The following SCRIB variants were observed in gnomAD, a reference collection of about 807,000 sequenced individuals.
SCRIB encodes scribble planar cell polarity protein.
SCRIB carries 72 observed loss-of-function variants against 170.0 expected under a neutral mutation model. That is an observed-to-expected ratio of 0.42 (90% CI 0.35 to 0.52). SCRIB has a LOEUF of 0.52. Ranked by LOEUF, SCRIB falls within the 20% of genes least tolerant of loss-of-function variation. The probability of loss-of-function intolerance (pLI) is 0.02; values close to 1 mark genes in which losing one functional copy is unlikely to be tolerated. For missense variants in SCRIB, 2,475 were observed against 2,338.5 expected (o/e 1.06, Z -1.20); for synonymous variants, 1,298 against 1,044.3 (o/e 1.24, Z -4.68).
At chr8:143,807,259 G>A (rs1349969967) in intron 16 of SCRIB, among the ~76,000 whole-genome samples, 4 of 152,286 alleles carry the variant, frequency 2.6e-5, no homozygotes, top group African/African-American at 9.6e-5. Context: ...AGGTGATGGT[G>A]GCCCGAGGCC....
chr8:143,800,620 A>C (rs1343280640), intron 24 of SCRIB, among the ~76,000 whole-genome samples: 1 of 152,268 alleles, frequency 6.6e-6, no homozygotes, highest in East Asian at 1.9e-4. Context: ...CACGCCTGGA[A>C]GCCTAGCACT....
rs1164029651 is a variant in SCRIB, at chr8:143,814,132, G to T, written c.160-14C>A. On this transcript the variant is annotated splice_polypyrimidine_tract_variant and intron_variant, in intron 1 of 36. Coordinates refer to ENST00000356994, the MANE Select transcript of SCRIB (RefSeq NM_182706.5). ...CCGGAAAAAAGGCTGTGGGCAGGGA[G>T]GACACGGACTCTGTGGCAGAGACCA... 2 of 1,547,938 alleles carry T rather than the reference G, an allele frequency of 1.3e-6. No individual in the cohort carries two copies. Among genetic ancestry groups the T allele is most frequent in the Admixed American group, 3.9e-5 (2 of 51,282 alleles).
Position 143,790,994 on chromosome 8 carries a change from T to A in SCRIB, c.*169A>T. 1 of 580,788 alleles carries A rather than the reference T, an allele frequency of 1.7e-6. No homozygotes were observed. 36.0% of individuals were successfully genotyped at this position (580,788 alleles called of 1,614,324 possible). On this transcript the variant is annotated 3_prime_UTR_variant, in exon 37 of 37. Transcript: ENST00000356994. The stretch of plus-strand genomic sequence containing the variant: ...CTTTGGTTGTACAAACATCACTAGT[T>A]ACAGTCTCGCCGAGGTCTCGGCTGG...
At chr8:143,800,300 A>G (rs997655136) in intron 24 of SCRIB, among the ~76,000 whole-genome samples, 1 of 152,148 alleles carries the variant, frequency 6.6e-6, no homozygotes, top group Admixed American at 6.5e-5. Context: ...TACAGGTTAT[A>G]AATAGAAACA....
At chr8:143,796,827 A>C (rs1814966494) in intron 24 of SCRIB, among the ~76,000 whole-genome samples, 1 of 152,190 alleles carries the variant, frequency 6.6e-6, no homozygotes, top group Admixed American at 6.5e-5. Flanking sequence ...AGTGGGAAGC[A>C]AGGTCCCAGG....
At position 143,792,269 on chromosome 8, in the gene SCRIB, C is replaced by T. The variant is rs1479572942; in HGVS notation, c.4465G>A (p.Glu1489Lys). Residue 1489 changes from glutamate (E) to lysine (K), a missense_variant, in exon 32 of 37, where the codon GAG (glutamate) becomes AAG (lysine). Glu to Lys is a moderately conservative substitution (Grantham distance 56, BLOSUM62 1). Around this residue, in one of 3 missense-constraint regions of SCRIB, gnomAD observed 1,966 missense variants for 1,742.9 expected, o/e 1.13. Coordinates refer to ENST00000356994, the MANE Select transcript of SCRIB (RefSeq NM_182706.5). Reference sequence around the variant, plus strand: ...TTCTCGGCCTCCAGGGCCCGGAGCTCGGCAGGGGACAGGGCACGCTCGGGT... The same window carrying T: ...TTCTCGGCCTCCAGGGCCCGGAGCTTGGCAGGGGACAGGGCACGCTCGGGT... ...PAPERALSPA[E>K]LRALEAEKRA... 5.1e-6 allele frequency: 8 copies of T among 1,570,686 alleles called. No homozygotes were observed. The highest frequency in any genetic ancestry group is 4.0e-5 in the African/African-American group (3 of 74,168).
intron 24 of SCRIB, among the ~76,000 whole-genome samples, chr8:143,798,576 A>C (rs1815043738): frequency 6.6e-6 from 1 of 152,234 alleles, no homozygotes; most frequent in African/African-American, 2.4e-5. Context: ...CTGCGACTAC[A>C]GGCCATGTGC....
In SCRIB at chr8:143,795,075, G is replaced by T; in HGVS notation, c.3809C>A (p.Ala1270Asp). The stretch of plus-strand genomic sequence containing the variant: ...GCCAGCGCTGGGCACGGCGGCCAGG[G>T]CGCGGTAGTCCAGCTTCAGGGGCTG... ...GLQPLKLDYR[A>D]LAAVPSAGSV... Residue 1270 changes from alanine (A) to aspartate (D), a missense_variant, in exon 27 of 37, where the codon GCC becomes GAC. By Grantham distance (126) the Ala-to-Asp change is moderately radical. This residue lies in a region of SCRIB where 1,966 missense variants were observed against 1,742.9 expected (regional missense o/e 1.13). Transcript: ENST00000356994. 8 of 1,611,314 alleles carry T rather than the reference G, an allele frequency of 5.0e-6. No homozygotes were observed. Among genetic ancestry groups the T allele is most frequent in the Non-Finnish European group, 6.8e-6 (8 of 1,179,342 alleles).
In SCRIB at chr8:143,810,945, T is replaced by C; in HGVS notation, c.1234A>G (p.Thr412Ala). The change falls in exon 11 of 37, where the codon ACC becomes GCC. Residue 412 changes from threonine to alanine, a missense_variant. Around this residue, in one of 3 missense-constraint regions of SCRIB, gnomAD observed 487 missense variants for 558.1 expected, o/e 0.87. Coordinates refer to ENST00000356994, the MANE Select transcript of SCRIB (RefSeq NM_182706.5). ...DDARTGEKVLTCYLLPQQPPP... is the reference protein window; with the variant it reads ...DDARTGEKVLACYLLPQQPPP... ...GGCTGCTGGGGCAGCAAGTAGCAGGTGAGCACCTTCTCGCCGGTCCGGGCA... is the reference window on the plus strand; with the variant it reads ...GGCTGCTGGGGCAGCAAGTAGCAGGCGAGCACCTTCTCGCCGGTCCGGGCA... The C allele has an allele frequency of 6.2e-7, 1 of 1,611,944 alleles. No homozygotes were observed. Among genetic ancestry groups the C allele is most frequent in the Non-Finnish European group, 8.5e-7 (1 of 1,179,828 alleles).
At chr8:143,809,775 C>A in intron 13 of SCRIB, 57 bp from the exon 14 acceptor site, 1 of 1,573,534 alleles carries the variant, frequency 6.4e-7, no homozygotes, top group Non-Finnish European at 8.6e-7. Context: ...AGGCTGGCCA[C>A]CTGGGATGCC....
Position 143,803,660 on chromosome 8 carries a change from A to T in SCRIB, c.3401T>A (p.Ile1134Asn). ...GGGGGGGCTCACCTTGGAGATGAAG[A>T]TGCCCTCGTCTGTGGGGTCGCGGGG... ...GNPRDPTDEG[I>N]FISKVSPTGA... The change falls in exon 23 of 37, where the codon ATC (isoleucine) becomes AAC (asparagine). Residue 1134 changes from isoleucine (I) to asparagine (N), a missense_variant. By Grantham distance (149) the Ile-to-Asn change is moderately radical. This residue lies in a region of SCRIB where 1,966 missense variants were observed against 1,742.9 expected (regional missense o/e 1.13). Transcript: ENST00000356994. 6.4e-7 allele frequency: 1 copy of T among 1,559,576 alleles called. No individual in the cohort carries two copies. The highest frequency in any genetic ancestry group is 8.6e-7 in the Non-Finnish European group (1 of 1,158,150).
intron 9 of SCRIB, 117 bp from the exon 10 acceptor site, chr8:143,811,462 C>T: frequency 1.1e-6 from 1 of 880,134 alleles, no homozygotes; most frequent in Non-Finnish European, 1.8e-6. Flanking sequence ...GGGTCCCTCA[C>T]AGCCCCTGGA....
Position 143,791,500 on chromosome 8 carries a change from G to A in SCRIB, c.4771-60C>T. 3.1e-6 allele frequency: 5 copies of A among 1,594,780 alleles called. No individual in the cohort carries two copies. The South Asian group carries it at 5.6e-5, about 18-fold the overall frequency. On this transcript the variant is annotated intron_variant, in intron 35 of 36. Transcript: ENST00000356994. ...AGCCCTGCCCCAAACCACCCAGGTG[G>A]ACGGGTGGGCTCCCAGCCCTGAGGC... is the stretch of plus-strand genomic sequence containing the variant.
intron 24 of SCRIB, 112 bp from the exon 25 acceptor site, chr8:143,795,642 C>T (rs548219825): frequency 0.014 from 12,739 of 925,546 alleles, 140 homozygotes; most frequent in Non-Finnish European, 0.018. Flanking sequence ...CCAGGAGCCG[C>T]GTCCCTGGGC....
intron 27 of SCRIB, 69 bp from the exon 28 acceptor site, chr8:143,794,031 G>T: frequency 6.7e-7 from 1 of 1,490,242 alleles, no homozygotes; most frequent in Non-Finnish European, 9.2e-7. Flanking sequence ...AGGGACTGGG[G>T]GCCCTGGGGC....
chr8:143,793,262 G>A (rs1242539115), intron 28 of SCRIB, 179 bp from the exon 29 acceptor site: 1 of 488,852 alleles, frequency 2.0e-6, no homozygotes, highest in Non-Finnish European at 3.6e-6. Flanking sequence ...CTCACGGAGT[G>A]GGGACAACCT....
At chr8:143,807,693 C>T in intron 15 of SCRIB, 79 bp from the exon 16 acceptor site, 1 of 1,160,938 alleles carries the variant, frequency 8.6e-7, no homozygotes, top group East Asian at 2.3e-5. Context: ...GCCCCCGCCA[C>T]AAGCAGAAAG....
chr8:143,812,665 G>T, intron 8 of SCRIB, 152 bp downstream of exon 8: 1 of 1,086,048 alleles, frequency 9.2e-7, no homozygotes, highest in Non-Finnish European at 1.3e-6. Context: ...CTGCCCCAGG[G>T]TCCCACCTCC....
chr8:143,808,903 T>C lies in SCRIB; in HGVS notation c.1821A>G (p.Thr607=), dbSNP rs900327856. The change falls in exon 15 of 37, where the codon ACA becomes ACG. Residue 607 remains threonine (T), a synonymous_variant. Transcript: ENST00000356994. ...GGRQRLIRKD[T]PHYKKHFKIS... The stretch of plus-strand genomic sequence containing the variant: ...TCTTGAAGTGCTTTTTGTAGTGAGG[T>C]GTGTCCTTGCGGATGAGCCGCTGCC... 1.9e-6 allele frequency: 3 copies of C among 1,610,444 alleles called. No individual in the cohort carries two copies. The highest frequency in any genetic ancestry group is 2.5e-6 in the Non-Finnish European group (3 of 1,179,944).
Sources: gnomAD v4.1 joint callset for allele counts (sites outside exome capture counted in the v4.1 genomes callset) on GRCh38, gnomAD v4.1.1 for gene constraint, gnomAD v4.1.1 regional missense constraint, MANE v1.5 for transcripts, NCBI Gene and HGNC (gene_info 2026-07-23, HGNC 2026-07-21) for gene names.